Variants in LOXL1 observed in about 807,000 individuals in gnomAD.
LOXL1 encodes the protein lysyl oxidase homolog 1.
In LOXL1, 31 loss-of-function variants were observed where a neutral mutation model predicts 62.2. That is an observed-to-expected ratio of 0.50 (90% CI 0.37 to 0.67). LOXL1 has a LOEUF of 0.67. Ranked by LOEUF, LOXL1 falls within the 30% of genes least tolerant of loss-of-function variation. The pLI, the probability that LOXL1 is intolerant of heterozygous loss-of-function variation, is 0.00. For synonymous variants in LOXL1, 403 were observed against 384.4 expected (o/e 1.05, Z -0.56); for missense variants, 775 against 843.4 (o/e 0.92, Z 1.00).
At chr15:73,950,826 C>T (rs2068779631) in intron 6 of LOXL1, among the ~76,000 whole-genome samples, 1 of 152,242 alleles carries the variant, frequency 6.6e-6, no homozygotes, top group Admixed American at 6.5e-5. Context: ...CTGTTCACAG[C>T]ATGCTGCCAC....
intron 1 of LOXL1, among the ~76,000 whole-genome samples, chr15:73,929,748 G>C (rs1302514065): frequency 6.6e-6 from 1 of 152,208 alleles, no homozygotes; most frequent in East Asian, 1.9e-4. Flanking sequence ...TTTACCTAGA[G>C]GGTGCTAAAC....
chr15:73,948,182 C>A (rs2068760981), intron 5 of LOXL1, among the ~76,000 whole-genome samples: 1 of 152,148 alleles, frequency 6.6e-6, no homozygotes, highest in Admixed American at 6.5e-5. Flanking sequence ...TGACAGAGGA[C>A]CAGGGAGAGC....
At position 73,927,202 on chromosome 15, in the gene LOXL1, C is replaced by T. The variant is rs764451347; in HGVS notation, c.419C>T (p.Ala140Val). ...GCCGTCGGGGACAGCACGGGCATGG[C>T]CCGGGCCCGCACCTCCGTCTCCCAG... is the stretch of plus-strand genomic sequence containing the variant. ...EVAVGDSTGM[A>V]RARTSVSQQR... Residue 140 changes from alanine (A) to valine (V), a missense_variant, in exon 1 of 7, where the codon GCC (alanine) becomes GTC (valine). Physicochemically the swap from Ala to Val is moderately conservative, Grantham distance 64. Coordinates refer to ENST00000261921, the MANE Select transcript of LOXL1 (RefSeq NM_005576.4). The T allele has an allele frequency of 3.1e-6, 5 of 1,592,012 alleles. No individual in the cohort carries two copies. The South Asian group carries it at 5.6e-5, about 18-fold the overall frequency.
chr15:73,939,494 A>T (rs146950706), intron 1 of LOXL1, among the ~76,000 whole-genome samples: 1 of 152,354 alleles, frequency 6.6e-6, no homozygotes, highest in African/African-American at 2.4e-5. Flanking sequence ...AGAGATGTAG[A>T]ACAAAGAAAC....
chr15:73,927,430 C>A lies in LOXL1; in HGVS notation c.647C>A (p.Ala216Glu). The A allele has an allele frequency of 2.0e-6, 3 of 1,479,830 alleles. No individual in the cohort carries two copies. Among genetic ancestry groups the A allele is most frequent in the Admixed American group, 2.4e-5 (1 of 41,410 alleles). 91.7% of individuals were successfully genotyped at this position (1,479,830 alleles called of 1,614,324 possible). A position where few individuals can be genotyped will look rare whatever the true frequency, so the allele number is the denominator to read the frequency against. Residue 216 changes from alanine (A) to glutamate (E), a missense_variant, in exon 1 of 7, where the codon GCG becomes GAG. Transcript: ENST00000261921. ...GCGGGCGGCGGCGTGGGCGCGGGGG[C>A]GGCGGCCGTGGCCTCGGCGGGGGTC... Reference protein sequence around the residue: ...RPAGGGVGAGAAAVASAGVIY... With the variant: ...RPAGGGVGAGEAAVASAGVIY...
intron 6 of LOXL1, 144 bp downstream of exon 6, chr15:73,949,718 C>T (rs1343951389): frequency 1.5e-6 from 1 of 646,360 alleles, no homozygotes; most frequent in Non-Finnish European, 2.8e-6. Context: ...TCAAAAAGAG[C>T]CTTGTCCGTG....
At chr15:73,931,678 G>A (rs889718764) in intron 1 of LOXL1, among the ~76,000 whole-genome samples, 4 of 152,190 alleles carry the variant, frequency 2.6e-5, no homozygotes, top group Non-Finnish European at 1.5e-5. Context: ...GTCCCTGAGA[G>A]CAGCCCTGGC....
At position 73,945,660 on chromosome 15, in the gene LOXL1, A is replaced by G. The variant is rs2068742305; in HGVS notation, c.1212-757A>G. Among the ~76,000 whole-genome samples, 1 of 152,078 alleles carries G rather than the reference A, an allele frequency of 6.6e-6. No homozygotes were observed. The highest frequency in any genetic ancestry group is 1.5e-5 in the Non-Finnish European group (1 of 68,008). ...AAGACATGGCATACTTTGGTCAACAATTAGGGCTCTGTCTTGTTGTCAGAG... is the reference window on the plus strand; with the variant it reads ...AAGACATGGCATACTTTGGTCAACAGTTAGGGCTCTGTCTTGTTGTCAGAG... On this transcript the variant is annotated intron_variant, in intron 2 of 6. Transcript: ENST00000261921. The surrounding 1 kb of genome is among the most constrained non-coding windows in gnomAD (Gnocchi z 4.3).
At chr15:73,950,778 G>A (rs1304475141) in intron 6 of LOXL1, among the ~76,000 whole-genome samples, 1 of 152,242 alleles carries the variant, frequency 6.6e-6, no homozygotes, top group Non-Finnish European at 1.5e-5. Context: ...CTCATTTAGA[G>A]ACAGCCCTCT....
chr15:73,949,228 G>C (rs2068767777), intron 5 of LOXL1, among the ~76,000 whole-genome samples: 1 of 152,204 alleles, frequency 6.6e-6, no homozygotes, highest in South Asian at 2.1e-4. Context: ...ATAGGCTCTA[G>C]CTCTAGGGAA....
Position 73,951,971 on chromosome 15 carries a change from C to A in LOXL1, c.*134C>A. The A allele has an allele frequency of 1.5e-6, 1 of 683,488 alleles. No individual in the cohort carries two copies. The highest frequency in any genetic ancestry group is 2.1e-6 in the Non-Finnish European group (1 of 468,224). 42.3% of individuals were successfully genotyped at this position (683,488 alleles called of 1,614,324 possible). On this transcript the variant is annotated 3_prime_UTR_variant, in exon 7 of 7. Coordinates refer to ENST00000261921, the MANE Select transcript of LOXL1 (RefSeq NM_005576.4). ...ATCCCTCCCTGCCGGCCTCAGGGAG[C>A]GAACGTGGATGAAAACCACAGGGAT... is the stretch of plus-strand genomic sequence containing the variant.
In LOXL1 at chr15:73,927,063, C is replaced by A. The variant is rs1422622449; in HGVS notation, c.280C>A (p.Arg94Ser). The A allele has an allele frequency of 1.5e-6, 2 of 1,315,100 alleles. No individual in the cohort carries two copies. The highest frequency in any genetic ancestry group is 1.9e-6 in the Non-Finnish European group (2 of 1,027,242). 81.5% of individuals were successfully genotyped at this position (1,315,100 alleles called of 1,614,324 possible). Residue 94 changes from arginine (R) to serine (S), a missense_variant, in exon 1 of 7, where the codon CGT (arginine) becomes AGT (serine). By Grantham distance (110) the Arg-to-Ser change is moderately radical (BLOSUM62 -1). Coordinates refer to ENST00000261921, the MANE Select transcript of LOXL1 (RefSeq NM_005576.4). ...GCGGCGCAGCCACGGGAGCCCCCGG[C>A]GTCGGCAGGCGCCGTCCCTGCCCCT... ...QQRRSHGSPR[R>S]RQAPSLPLPG...
intron 4 of LOXL1, chr15:73,947,444 G>T (rs2068756024): frequency 1.9e-6 from 1 of 529,554 alleles, no homozygotes. Flanking sequence ...TGATCTGCTC[G>T]TGGAGAGAAG....
chr15:73,934,691 AAAAG>A (rs1328031169), intron 1 of LOXL1, among the ~76,000 whole-genome samples: 1 of 152,260 alleles, frequency 6.6e-6, no homozygotes, highest in Non-Finnish European at 1.5e-5. Context: ...TTCATTCGTG[AAAAG>A]AAAGAGACAA....
intron 2 of LOXL1, among the ~76,000 whole-genome samples, chr15:73,946,179 G>A (rs1470638130): frequency 6.6e-6 from 1 of 152,240 alleles, no homozygotes; most frequent in African/African-American, 2.4e-5. Flanking sequence ...GCAGCTGGCG[G>A]CCACATGGTG....
Position 73,945,985 on chromosome 15 carries a change from C to T in LOXL1, c.1212-432C>T, listed in dbSNP as rs113287324. Among the ~76,000 whole-genome samples, 2 of 152,218 alleles carry T rather than the reference C, an allele frequency of 1.3e-5. No homozygotes were observed. The highest frequency in any genetic ancestry group is 4.8e-5 in the African/African-American group (2 of 41,454). Reference sequence around the variant, plus strand: ...GCCTCAAGTGATCCTCCTGCCTCGACCTCCAAAAAGCTCTGTAATTACAGG... The same window carrying T: ...GCCTCAAGTGATCCTCCTGCCTCGATCTCCAAAAAGCTCTGTAATTACAGG... On this transcript the variant is annotated intron_variant, in intron 2 of 6. Coordinates refer to ENST00000261921, the MANE Select transcript of LOXL1 (RefSeq NM_005576.4). This position sits in a 1 kb window ranked among gnomAD's most constrained non-coding sequence, Gnocchi z 4.3.
At chr15:73,944,178 TG>T (rs922207727) in intron 2 of LOXL1, among the ~76,000 whole-genome samples, 4 of 152,176 alleles carry the variant, frequency 2.6e-5, no homozygotes, top group African/African-American at 9.7e-5. Flanking sequence ...TCAGTTGTCT[TG>T]GGGAAGAGAG....
At chr15:73,942,268 C>T (rs2068719298) in intron 1 of LOXL1, among the ~76,000 whole-genome samples, 1 of 152,050 alleles carries the variant, frequency 6.6e-6, no homozygotes, top group South Asian at 2.1e-4. Flanking sequence ...TCCTTCTAGC[C>T]CATCCCTTCC....
chr15:73,927,513 C>T lies in LOXL1; in HGVS notation c.730C>T (p.Pro244Ser), dbSNP rs1225902359. The change falls in exon 1 of 7, where the codon CCC becomes TCC. Residue 244 changes from proline to serine, a missense_variant. Physicochemically the swap from Pro to Ser is moderately conservative, Grantham distance 74 (BLOSUM62 -1). Transcript: ENST00000261921. ...YEEYGGGEEL[P>S]EYPPQGFYPA... ...GGAGTACGGCGGCGGCGAAGAGCTG[C>T]CCGAGTACCCGCCTCAGGGCTTCTA... 3 of 1,487,370 alleles carry T rather than the reference C, an allele frequency of 2.0e-6. No homozygotes were observed. Among genetic ancestry groups the T allele is most frequent in the Non-Finnish European group, 2.7e-6 (3 of 1,125,134 alleles). The allele number at this position is 1,487,370 out of a possible 1,614,324, so 92.1% of individuals were successfully genotyped here.
Sources: allele counts gnomAD v4.1 joint callset (sites outside exome capture counted in the v4.1 genomes callset), GRCh38; gene constraint gnomAD v4.1.1; non-coding constraint Gnocchi (gnomAD v3.1); transcripts MANE v1.5; gene names NCBI Gene and HGNC (gene_info 2026-07-23, HGNC 2026-07-21).